Variants in DCLK1 observed in about 807,000 individuals in gnomAD.
The protein encoded by DCLK1 is serine/threonine-protein kinase DCLK1.
DCLK1 carries 16 observed loss-of-function variants against 86.2 expected under a neutral mutation model. The ratio of observed to expected loss-of-function variants is 0.19; its 90% CI spans 0.13 to 0.28. The LOEUF (loss-of-function observed/expected upper bound fraction) is 0.28. Ranked by LOEUF, DCLK1 falls within the 10% of genes least tolerant of loss-of-function variation. DCLK1 has a pLI of 1.00. For synonymous variants in DCLK1, 369 were observed against 370.5 expected, an observed-to-expected ratio of 1.00 and a Z score of 0.05; for missense variants, 590 against 940.2, an observed-to-expected ratio of 0.63 and a Z score of 4.87.
In DCLK1 at chr13:36,004,290, T is replaced by G. The variant is rs189735958; in HGVS notation, c.724-56833A>C. ...CTCCTAGCACATTTTACAAACAAAC[T>G]TTAAAAATTACAAAAACAAAAAAGT... On this transcript the variant is annotated intron_variant, in intron 3 of 16. Coordinates refer to ENST00000360631, the MANE Select transcript of DCLK1 (RefSeq NM_001330071.2). Among the ~76,000 whole-genome samples, 699 of 152,214 alleles carry G rather than the reference T, an allele frequency of 4.6e-3. 7 individuals are homozygous for G. The highest frequency in any genetic ancestry group is 0.01 in the Middle Eastern group (3 of 294).
At chr13:35,874,740 A>G (rs1192079073) in intron 4 of DCLK1, among the ~76,000 whole-genome samples, 1 of 152,262 alleles carries the variant, frequency 6.6e-6, no homozygotes, top group Non-Finnish European at 1.5e-5. Flanking sequence ...CCCATGGGAC[A>G]ATAACGCCCA....
At chr13:35,890,099 T>C (rs1021402693) in intron 4 of DCLK1, among the ~76,000 whole-genome samples, 3 of 152,234 alleles carry the variant, frequency 2.0e-5, no homozygotes, top group Middle Eastern at 6.8e-3. Flanking sequence ...AATGTAAAAA[T>C]GTTCTTGCAT....
At chr13:36,000,338 A>T (rs1399200698) in intron 3 of DCLK1, among the ~76,000 whole-genome samples, 1 of 152,124 alleles carries the variant, frequency 6.6e-6, no homozygotes, top group Non-Finnish European at 1.5e-5. Flanking sequence ...ACCTGCAAGA[A>T]CACTCTCTGG....
intron 3 of DCLK1, among the ~76,000 whole-genome samples, chr13:35,968,996 C>G (rs993732535): frequency 2.0e-5 from 3 of 152,166 alleles, no homozygotes; most frequent in Admixed American, 6.5e-5. Context: ...ACAACCTCTC[C>G]AGCAAATTTC....
chr13:36,109,107 G>T (rs1885516245), intron 3 of DCLK1, among the ~76,000 whole-genome samples: 1 of 152,142 alleles, frequency 6.6e-6, no homozygotes, highest in Admixed American at 6.5e-5. Flanking sequence ...TGTTCTCACT[G>T]GGAACCCAAC....
intron 3 of DCLK1, among the ~76,000 whole-genome samples, chr13:36,038,780 T>C (rs983217947): frequency 1.5e-4 from 23 of 152,324 alleles, no homozygotes; most frequent in African/African-American, 5.5e-4. Flanking sequence ...TGTTCATGCG[T>C]TAGACACTAT....
At chr13:35,931,059 G>A (rs1189305503) in intron 4 of DCLK1, among the ~76,000 whole-genome samples, 1 of 152,172 alleles carries the variant, frequency 6.6e-6, no homozygotes, top group African/African-American at 2.4e-5. Context: ...GACAAAGCTA[G>A]GCATTGAATC....
At position 35,769,159 on chromosome 13, in the gene DCLK1, T is replaced by A. The variant is rs886166441; in HGVS notation, c.*5376A>T. ...ATTAGGGGGAAAAATTGGATCTCAT[T>A]CCACCTTTAATTAAGGACACAAATT... On this transcript the variant is annotated 3_prime_UTR_variant, in exon 17 of 17. Coordinates refer to ENST00000360631, the MANE Select transcript of DCLK1 (RefSeq NM_001330071.2). The A allele has an allele frequency of 6.6e-6, 1 of 152,250 alleles. No individual in the cohort carries two copies. Among genetic ancestry groups the A allele is most frequent in the Non-Finnish European group, 1.5e-5 (1 of 68,048 alleles). The allele number at this position is 152,250 out of a possible 1,614,324, so 9.4% of individuals were successfully genotyped here.
chr13:36,126,298 G>T, intron 1 of DCLK1, 142 bp from the exon 2 acceptor site: 1 of 603,330 alleles, frequency 1.7e-6, no homozygotes, highest in South Asian at 5.4e-5. Context: ...ACTCACTGAA[G>T]TACTCACTGA....
intron 4 of DCLK1, among the ~76,000 whole-genome samples, chr13:35,929,543 A>C (rs1876311097): frequency 6.6e-6 from 1 of 152,220 alleles, no homozygotes. Flanking sequence ...TCATAACTAA[A>C]CATAGAGGCT....
chr13:36,105,455 T>C (rs987214426), intron 3 of DCLK1, among the ~76,000 whole-genome samples: 1 of 152,182 alleles, frequency 6.6e-6, no homozygotes, highest in Non-Finnish European at 1.5e-5. Flanking sequence ...GGCATTATTA[T>C]CATTATTATT....
At chr13:35,938,729 G>T (rs185160097) in intron 4 of DCLK1, among the ~76,000 whole-genome samples, 190 of 152,104 alleles carry the variant, frequency 1.2e-3, no homozygotes, top group African/African-American at 4.5e-3. Context: ...AGCAACTGTT[G>T]GATGCTGTGG....
chr13:35,831,704 C>T (rs1252026076), intron 8 of DCLK1, among the ~76,000 whole-genome samples: 1 of 152,120 alleles, frequency 6.6e-6, no homozygotes, highest in Non-Finnish European at 1.5e-5. Flanking sequence ...TGACCTTTTA[C>T]AGAACCCTCT....
intron 3 of DCLK1, among the ~76,000 whole-genome samples, chr13:36,010,282 G>C (rs1161141699): frequency 8.7e-6 from 1 of 115,504 alleles, no homozygotes; most frequent in Non-Finnish European, 1.8e-5. Context: ...AGCGGTGAGA[G>C]AGGTCATCCC....
chr13:35,913,710 A>C (rs1875185230), intron 4 of DCLK1, among the ~76,000 whole-genome samples: 1 of 149,182 alleles, frequency 6.7e-6, no homozygotes, highest in African/African-American at 2.5e-5. Context: ...ATTGTTCCTA[A>C]GTGTTTTTTC....
In DCLK1 at chr13:35,958,281, ACTG is replaced by A. The variant is rs1319908594; in HGVS notation, c.724-10827_724-10825del. On this transcript the variant is annotated intron_variant, in intron 3 of 16. Transcript: ENST00000360631. Reference sequence around the variant, plus strand: ...CACTACTATAACCATTACCACCATCACTGCCACTATAACCACTATAATAAACAC... The same window carrying A: ...CACTACTATAACCATTACCACCATCACCACTATAACCACTATAATAAACAC... Among the ~76,000 whole-genome samples the A allele has an allele frequency of 4.2e-4, 43 of 103,362 alleles. 3 individuals are homozygous for A. Among genetic ancestry groups the A allele is most frequent in the East Asian group, 1.7e-3 (3 of 1,742 alleles). The allele number at this position is 103,362 out of a possible 152,430, so 67.8% of individuals were successfully genotyped here.
intron 3 of DCLK1, among the ~76,000 whole-genome samples, chr13:36,012,954 C>T (rs1459566735): frequency 1.5e-5 from 1 of 68,142 alleles, no homozygotes; most frequent in African/African-American, 6.0e-5. Flanking sequence ...TCTAAACTTC[C>T]CTTCTCACTT....
chr13:36,090,061 C>T (rs979233702), intron 3 of DCLK1, among the ~76,000 whole-genome samples: 9 of 152,198 alleles, frequency 5.9e-5, no homozygotes, highest in Admixed American at 2.0e-4. Context: ...CCTTCATAAA[C>T]TACGACATGC....
At chr13:35,792,158 A>G (rs2086718235) in intron 16 of DCLK1, among the ~76,000 whole-genome samples, 3 of 152,244 alleles carry the variant, frequency 2.0e-5, no homozygotes, top group Non-Finnish European at 4.4e-5. Flanking sequence ...AAGAGTAGGC[A>G]TTCCCTTTCA....
Sources: allele counts gnomAD v4.1 joint callset (sites outside exome capture counted in the v4.1 genomes callset), GRCh38; gene constraint gnomAD v4.1.1; transcripts MANE v1.5; gene names NCBI Gene and HGNC (gene_info 2026-07-23, HGNC 2026-07-21).